Variants in LRP1B observed in about 807,000 individuals in gnomAD.
LRP1B encodes LDL receptor related protein 1B, also known as low-density lipoprotein receptor-related protein 1B.
In LRP1B, 217 loss-of-function variants were observed where a neutral mutation model predicts 556.6. The observed-to-expected ratio is 0.39, with a 90% CI of 0.35 to 0.44. The LOEUF (loss-of-function observed/expected upper bound fraction) is 0.44, where lower values mean the gene tolerates loss of function less well. Ranked by LOEUF, LRP1B falls within the 20% of genes least tolerant of loss-of-function variation. The pLI, the probability that LRP1B is intolerant of heterozygous loss-of-function variation, is 1.00. For missense variants in LRP1B, 5,053 were observed against 5,620.8 expected (o/e 0.90, Z 3.23); for synonymous variants, 2,047 against 1,865.8 (o/e 1.10, Z -2.50).
chr2:140,865,193 A>G (rs926489967), intron 27 of LRP1B, among the ~76,000 whole-genome samples: 45 of 152,162 alleles, frequency 3.0e-4, no homozygotes, highest in Non-Finnish European at 4.6e-4. Flanking sequence ...CCAATAACCA[A>G]TTTGGAACTT....
rs192367329 is a variant in LRP1B, at chr2:141,314,166, A to G, written c.344-59525T>C. Among the ~76,000 whole-genome samples, 13 of 152,288 alleles carry G rather than the reference A, an allele frequency of 8.5e-5. No homozygotes were observed. In the East Asian group the frequency reaches 2.3e-3, roughly 27 times the overall value. On this transcript the variant is annotated intron_variant, in intron 3 of 90. Transcript: ENST00000389484. ...ACATTCCAAATAAAAATATACTCGCATGCCTCGTCAGCAAATTAGGGTTTA... is the reference window on the plus strand; with the variant it reads ...ACATTCCAAATAAAAATATACTCGCGTGCCTCGTCAGCAAATTAGGGTTTA...
intron 72 of LRP1B, 112 bp downstream of exon 72, chr2:140,364,549 C>T: frequency 7.9e-7 from 1 of 1,263,684 alleles, no homozygotes; most frequent in South Asian, 1.6e-5. Context: ...ACTTTATCTA[C>T]CTAACCCCAG....
At chr2:141,034,098 G>C (rs1025076730) in intron 11 of LRP1B, among the ~76,000 whole-genome samples, 1 of 151,954 alleles carries the variant, frequency 6.6e-6, no homozygotes, top group Non-Finnish European at 1.5e-5. Flanking sequence ...ATCTCTTTTA[G>C]TTTTTATTAG....
intron 20 of LRP1B, among the ~76,000 whole-genome samples, chr2:140,943,256 C>A (rs555227805): frequency 1.2e-4 from 18 of 152,138 alleles, no homozygotes; most frequent in African/African-American, 4.3e-4. Context: ...TACATGCACC[C>A]AACATTAGGG....
chr2:141,419,255 T>G (rs1680053967), intron 3 of LRP1B, among the ~76,000 whole-genome samples: 1 of 152,200 alleles, frequency 6.6e-6, no homozygotes, highest in African/African-American at 2.4e-5. Context: ...GTATTTTCTT[T>G]TCTTGTGATG....
At chr2:140,501,300 T>G (rs1429653721) in intron 55 of LRP1B, among the ~76,000 whole-genome samples, 1 of 151,998 alleles carries the variant, frequency 6.6e-6, no homozygotes, top group Non-Finnish European at 1.5e-5. Context: ...TATCCAGTGT[T>G]GTAGTAAATG....
chr2:141,514,285 G>A (rs10200845), intron 2 of LRP1B, among the ~76,000 whole-genome samples: 147,898 of 152,098 alleles, frequency 0.97, 72,038 homozygotes, highest in East Asian at 1. Flanking sequence ...GTTATGTAAT[G>A]CCCCAGACTT....
intron 2 of LRP1B, among the ~76,000 whole-genome samples, chr2:141,593,345 C>T (rs564497250): frequency 2.6e-5 from 4 of 152,252 alleles, no homozygotes; most frequent in African/African-American, 9.6e-5. Context: ...AATGATACTA[C>T]TTTGTTGTTG....
intron 1 of LRP1B, among the ~76,000 whole-genome samples, chr2:141,992,416 A>C (rs1288107417): frequency 1.3e-5 from 2 of 152,302 alleles, no homozygotes; most frequent in African/African-American, 4.8e-5. Flanking sequence ...TAATTGGAAT[A>C]GATGGTTTTC....
chr2:140,999,778 A>G (rs1015133265), intron 15 of LRP1B, among the ~76,000 whole-genome samples: 1 of 152,078 alleles, frequency 6.6e-6, no homozygotes, highest in Non-Finnish European at 1.5e-5. Context: ...TAGGGCAAAG[A>G]AGAAACTACA....
chr2:141,316,885 C>T (rs1245633187), intron 3 of LRP1B, among the ~76,000 whole-genome samples: 3 of 152,184 alleles, frequency 2.0e-5, no homozygotes, highest in Non-Finnish European at 4.4e-5. Context: ...CAGTTAAGTA[C>T]TAGCCAGTTT....
chr2:141,822,939 T>C (rs561586410), intron 1 of LRP1B, among the ~76,000 whole-genome samples: 1 of 152,188 alleles, frequency 6.6e-6, no homozygotes, highest in Admixed American at 6.5e-5. Flanking sequence ...GGAAGAGCAA[T>C]GAAAATAGAT....
At chr2:141,847,756 T>C (rs1697702768) in intron 1 of LRP1B, among the ~76,000 whole-genome samples, 1 of 151,568 alleles carries the variant, frequency 6.6e-6, no homozygotes, top group Non-Finnish European at 1.5e-5. Context: ...GAGGAAATTC[T>C]CTAATACTGT....
chr2:140,885,508 G>T (rs539722173), intron 24 of LRP1B, among the ~76,000 whole-genome samples: 1 of 151,690 alleles, frequency 6.6e-6, no homozygotes, highest in African/African-American at 2.4e-5. Context: ...GCACCACCAC[G>T]TCCAGCTATT....
At chr2:141,991,584 T>C (rs1702346372) in intron 1 of LRP1B, among the ~76,000 whole-genome samples, 1 of 152,102 alleles carries the variant, frequency 6.6e-6, no homozygotes, top group South Asian at 2.1e-4. Context: ...CACTCCTTAT[T>C]TAAGGACACA....
chr2:140,638,307 T>C (rs1051288247), intron 41 of LRP1B, among the ~76,000 whole-genome samples: 1 of 152,182 alleles, frequency 6.6e-6, no homozygotes, highest in Non-Finnish European at 1.5e-5. Context: ...TGGAGGGGCA[T>C]GGTCTAAATC....
At chr2:141,792,048 C>CTT (rs5834868) in intron 2 of LRP1B, among the ~76,000 whole-genome samples, 140 of 150,144 alleles carry the variant, frequency 9.3e-4, no homozygotes, top group African/African-American at 2.8e-3. Context: ...TTTTTCAAGT[C>CTT]TTTTTTTTTG....
intron 67 of LRP1B, among the ~76,000 whole-genome samples, chr2:140,381,514 T>C (rs964127447): frequency 6.6e-6 from 1 of 152,120 alleles, no homozygotes; most frequent in Non-Finnish European, 1.5e-5. Context: ...CAAGAAGCTT[T>C]TGCAGGGTAT....
intron 32 of LRP1B, among the ~76,000 whole-genome samples, chr2:140,803,290 T>TTTTTTTTTTTTTTTTC (rs869303438): frequency 9.5e-5 from 11 of 115,262 alleles, no homozygotes; most frequent in African/African-American, 3.5e-4. Context: ...TTTTTTTTTT[T>TTTTTTTTTTTTTTTTC]CCGAGATGGA....
Sources: gnomAD v4.1 joint callset for allele counts (sites outside exome capture counted in the v4.1 genomes callset) on GRCh38, gnomAD v4.1.1 for gene constraint, MANE v1.5 for transcripts, NCBI Gene and HGNC (gene_info 2026-07-23, HGNC 2026-07-21) for gene names.